Variants in TMEM79 observed in about 807,000 individuals in gnomAD.
The protein encoded by TMEM79 is transmembrane protein 79, also known as mattrin.
TMEM79 carries 30 observed loss-of-function variants against 31.2 expected under a neutral mutation model. That is an observed-to-expected ratio of 0.96 (90% CI 0.72 to 1.30). The LOEUF is 1.30. Among genes scored for constraint, TMEM79 ranks in the 50% most tolerant of loss-of-function variants. TMEM79 has a pLI of 0.00. For missense variants in TMEM79, 509 were observed against 528.2 expected, an observed-to-expected ratio of 0.96 and a Z score of 0.36; for synonymous variants, 213 against 229.5, an observed-to-expected ratio of 0.93 and a Z score of 0.65.
At chr1:156,288,815 A>G (rs1663239281) in intron 3 of TMEM79, among the ~76,000 whole-genome samples, 2 of 152,226 alleles carry the variant, frequency 1.3e-5, no homozygotes, top group South Asian at 4.1e-4. Flanking sequence ...TTCCCAAAAT[A>G]AATATGTTCC....
rs1211448272 is a variant in TMEM79, at chr1:156,291,642, T to G, written c.*44T>G. 6.3e-7 allele frequency: 1 copy of G among 1,576,972 alleles called. No homozygotes were observed. The highest frequency in any genetic ancestry group is 2.2e-5 in the East Asian group (1 of 44,688). On this transcript the variant is annotated 3_prime_UTR_variant, in exon 4 of 4. Coordinates refer to ENST00000405535, the MANE Select transcript of TMEM79 (RefSeq NM_032323.3). ...TCGGAGTAGGGGGTAGCGGCTTGGG[T>G]CTGACACATCTTTGAACCTTGTGGC...
intron 3 of TMEM79, among the ~76,000 whole-genome samples, chr1:156,287,661 C>T (rs1389620255): frequency 7.4e-6 from 1 of 134,540 alleles, no homozygotes; most frequent in Non-Finnish European, 1.5e-5. Context: ...GTTGCCCAGG[C>T]TGGAGAGTAC....
Position 156,285,117 on chromosome 1 carries a change from T to C in TMEM79, c.-43-67T>C, listed in dbSNP as rs1210541074. On this transcript the variant is annotated intron_variant, in intron 1 of 3. Coordinates refer to ENST00000405535, the MANE Select transcript of TMEM79 (RefSeq NM_032323.3). ...GCCAGTTGCCCTGGAGAGTATGAGT[T>C]CTGTCAACCTGTCCTAATAACTAGA... The C allele has an allele frequency of 5.7e-6, 8 of 1,391,488 alleles. No individual in the cohort carries two copies. The East Asian group carries it at 1.7e-4, about 30-fold the overall frequency. The allele number at this position is 1,391,488 out of a possible 1,614,324, so 86.2% of individuals were successfully genotyped here.
In TMEM79 at chr1:156,285,644, CA is replaced by C; in HGVS notation, c.419del (p.Gln140ArgfsTer40). On this transcript the variant is annotated frameshift_variant, in exon 2 of 4. Coordinates refer to ENST00000405535, the MANE Select transcript of TMEM79 (RefSeq NM_032323.3). LOFTEE classifies it high-confidence loss of function. The stretch of plus-strand genomic sequence containing the variant: ...TATTGACCTACAGTGCATTGAGCGG[CA>C]GCCCCAAGAAGACCTTATCGTGCGC... ...VPIDLQCIER[Q>X]PQEDLIVRCE... 6.2e-7 allele frequency: 1 copy of C among 1,614,026 alleles called. No individual in the cohort carries two copies.
intron 3 of TMEM79, chr1:156,291,025 AGCT>A: frequency 8.5e-6 from 2 of 235,862 alleles, no homozygotes; most frequent in Admixed American, 5.0e-5. Context: ...CTGTAATCCC[AGCT>A]ACTCAGGAGT....
upstream of TMEM79, chr1:156,284,267 C>T (rs1267939682): frequency 1.3e-5 from 2 of 152,214 alleles, no homozygotes; most frequent in African/African-American, 2.4e-5. Flanking sequence ...GCCCCACCTG[C>T]TCTGGTCAGA....
chr1:156,291,621 A>C lies in TMEM79; in HGVS notation c.*23A>C. Reference sequence around the variant, plus strand: ...TGAGCCTCTCCGCCCTCGCCCTCGGAGTAGGGGGTAGCGGCTTGGGTCTGA... The same window carrying C: ...TGAGCCTCTCCGCCCTCGCCCTCGGCGTAGGGGGTAGCGGCTTGGGTCTGA... On this transcript the variant is annotated 3_prime_UTR_variant, in exon 4 of 4. Coordinates refer to ENST00000405535, the MANE Select transcript of TMEM79 (RefSeq NM_032323.3). 3 of 1,605,504 alleles carry C rather than the reference A, an allele frequency of 1.9e-6. No individual in the cohort carries two copies. The highest frequency in any genetic ancestry group is 2.6e-6 in the Non-Finnish European group (3 of 1,174,196).
chr1:156,286,453 T>C lies in TMEM79; in HGVS notation c.951T>C (p.Thr317=), dbSNP rs999929340. The stretch of plus-strand genomic sequence containing the variant: ...CCCTCAAACTGCTCCCTCTGCTCAC[T>C]GGTCTCTTTGCCGTCTCCCGGTAAG... The part of the protein sequence containing the change: ...QDTLKLLPLL[T]GLFAVSRLIY... Residue 317 remains threonine, a synonymous_variant, in exon 3 of 4, where the codon ACT becomes ACC. Coordinates refer to ENST00000405535, the MANE Select transcript of TMEM79 (RefSeq NM_032323.3). 4 of 1,614,060 alleles carry C rather than the reference T, an allele frequency of 2.5e-6. No individual in the cohort carries two copies. In the Admixed American group the frequency reaches 5.0e-5, roughly 20 times the overall value.
At chr1:156,288,257 AG>A (rs1251153410) in intron 3 of TMEM79, among the ~76,000 whole-genome samples, 5 of 151,444 alleles carry the variant, frequency 3.3e-5, no homozygotes, top group Non-Finnish European at 7.4e-5. Context: ...TTAATCTAGA[AG>A]GCACCTTTGA....
chr1:156,288,154 C>T (rs996248882), intron 3 of TMEM79, among the ~76,000 whole-genome samples: 3 of 148,482 alleles, frequency 2.0e-5, no homozygotes, highest in Admixed American at 6.7e-5. Flanking sequence ...GCCGAGATAG[C>T]GCCACTGCAG....
chr1:156,287,809 G>GGT (rs2101590418), intron 3 of TMEM79, among the ~76,000 whole-genome samples: 1 of 151,598 alleles, frequency 6.6e-6, no homozygotes, highest in East Asian at 2.0e-4. Flanking sequence ...GTAGAGATAG[G>GGT]GTTTCACCAT....
chr1:156,289,405 G>A (rs575595754), intron 3 of TMEM79, among the ~76,000 whole-genome samples: 66 of 152,266 alleles, frequency 4.3e-4, no homozygotes, highest in African/African-American at 1.5e-3. Flanking sequence ...TCAGGAGATC[G>A]AGACCATCCT....
chr1:156,290,208 A>G (rs1358527462), intron 3 of TMEM79: 1 of 152,230 alleles, frequency 6.6e-6, no homozygotes, highest in African/African-American at 2.4e-5. Context: ...ACTTCAGAAA[A>G]GGGAAAAATA....
chr1:156,285,279 C>T lies in TMEM79; in HGVS notation c.53C>T (p.Pro18Leu), dbSNP rs749332535. Residue 18 changes from proline (P) to leucine (L), a missense_variant, in exon 2 of 4, where the codon CCA becomes CTA. Physicochemically the swap from Pro to Leu is moderately conservative, Grantham distance 98 (BLOSUM62 -3). Coordinates refer to ENST00000405535, the MANE Select transcript of TMEM79 (RefSeq NM_032323.3). Reference sequence around the variant, plus strand: ...CTGGAAGTGAAGAGGTCTGATTCCCCAGAGAAGAGCTCACCCCAGGCCTTG... The same window carrying T: ...CTGGAAGTGAAGAGGTCTGATTCCCTAGAGAAGAGCTCACCCCAGGCCTTG... Reference protein sequence around the residue: ...ALLEVKRSDSPEKSSPQALVP... With the variant: ...ALLEVKRSDSLEKSSPQALVP... 4.1e-5 allele frequency: 64 copies of T among 1,569,230 alleles called. No homozygotes were observed. The South Asian group carries it at 7.1e-4, about 17-fold the overall frequency.
intron 2 of TMEM79, 37 bp from the exon 3 acceptor site, chr1:156,286,223 C>T: frequency 1.9e-6 from 3 of 1,605,162 alleles, no homozygotes; most frequent in Non-Finnish European, 2.6e-6. Context: ...CTTCCCCTGC[C>T]TTTTCTGACC....
At chr1:156,286,109 C>T in intron 2 of TMEM79, 126 bp downstream of exon 2, 1 of 1,420,998 alleles carries the variant, frequency 7.0e-7, no homozygotes, top group Non-Finnish European at 9.6e-7. Context: ...CCACCCCCTG[C>T]CAGTCTGCAT....
upstream of TMEM79, among the ~76,000 whole-genome samples, chr1:156,283,688 T>C (rs369848707): frequency 1.3e-5 from 2 of 152,344 alleles, no homozygotes; most frequent in East Asian, 3.9e-4. Context: ...AAATTGCCCT[T>C]CTACCACTAT....
intron 3 of TMEM79, among the ~76,000 whole-genome samples, chr1:156,287,591 C>A (rs1289466230): frequency 3.4e-5 from 5 of 149,188 alleles, no homozygotes. Flanking sequence ...CTCCTCGCAG[C>A]CTTCTTACTC....
chr1:156,291,543 A>T lies in TMEM79; in HGVS notation c.1130A>T (p.Asp377Val), dbSNP rs772948240. Residue 377 changes from aspartate (D) to valine (V), a missense_variant, in exon 4 of 4, where the codon GAC (aspartate) becomes GTC (valine). By Grantham distance (152) the Asp-to-Val change is radical. Coordinates refer to ENST00000405535, the MANE Select transcript of TMEM79 (RefSeq NM_032323.3). ...RMLTATESRL[D>V]YPDHARSASD... ...CTCACTGCCACCGAGAGCCGCCTGG[A>T]CTACCCGGACCACGCCCGCTCGGCC... 9.9e-6 allele frequency: 16 copies of T among 1,609,666 alleles called. No individual in the cohort carries two copies. Among genetic ancestry groups the T allele is most frequent in the Non-Finnish European group, 1.4e-5 (16 of 1,179,882 alleles).
Sources: allele counts gnomAD v4.1 joint callset (sites outside exome capture counted in the v4.1 genomes callset), GRCh38; gene constraint gnomAD v4.1.1; transcripts MANE v1.5; gene names NCBI Gene and HGNC (gene_info 2026-07-23, HGNC 2026-07-21).